The following COG3 variants were observed in gnomAD, a reference collection of about 807,000 sequenced individuals.
The protein encoded by COG3 is component of oligomeric golgi complex 3.
Under a neutral mutation model 114.1 loss-of-function variants are expected in COG3, and 32 were observed. That is an observed-to-expected ratio of 0.28 (90% CI 0.21 to 0.38). COG3 has a LOEUF of 0.38. COG3 is among the 10% of genes least tolerant of loss of function. COG3 has a pLI of 1.00. For missense variants in COG3, 813 were observed against 973.2 expected (o/e 0.84, Z 2.19); for synonymous variants, 352 against 365.7 (o/e 0.96, Z 0.43).
chr13:45,520,003 G>A (rs188215671), intron 19 of COG3, among the ~76,000 whole-genome samples: 1 of 152,292 alleles, frequency 6.6e-6, no homozygotes, highest in East Asian at 1.9e-4. Flanking sequence ...ATTAGGCTGG[G>A]TGTGTTGGCT....
intron 17 of COG3, among the ~76,000 whole-genome samples, chr13:45,518,368 A>G (rs1387464579): frequency 6.6e-6 from 1 of 152,196 alleles, no homozygotes; most frequent in South Asian, 2.1e-4. Context: ...ACATTAGTTT[A>G]TTATTCTGCT....
At chr13:45,486,339 C>CGGGAGACGGGAGACGGAGA (rs1555295083) in intron 7 of COG3, among the ~76,000 whole-genome samples, 156 bp from the exon 8 acceptor site, 1,473 of 55,228 alleles carry the variant, frequency 0.027, 112 homozygotes, top group Middle Eastern at 0.043. Context: ...AGACGGGAGA[C>CGGGAGACGGGAGACGGAGA]GGGAGAGGGA....
rs1263721850 is a variant in COG3 at position 45,476,226 on chromosome 13, T to C, written c.200T>C (p.Leu67Ser). 6.8e-6 allele frequency: 11 copies of C among 1,614,038 alleles called. No individual in the cohort carries two copies. In the South Asian group the frequency reaches 1.2e-4, roughly 18 times the overall value. The change falls in exon 2 of 23, where the codon TTA becomes TCA. Residue 67 changes from leucine (L) to serine (S), a missense_variant. Physicochemically the swap from Leu to Ser is moderately radical, Grantham distance 145. Coordinates refer to ENST00000349995, the MANE Select transcript of COG3 (RefSeq NM_031431.4). Reference sequence around the variant, plus strand: ...CTTCCAATTGAAGACTTGTGCAGTTTAACATCCCAGTCACTGCCCATTGAA... The same window carrying C: ...CTTCCAATTGAAGACTTGTGCAGTTCAACATCCCAGTCACTGCCCATTGAA... ...AELPIEDLCS[L>S]TSQSLPIELT...
chr13:45,471,366 C>T (rs1243623710), intron 1 of COG3, among the ~76,000 whole-genome samples: 1 of 152,144 alleles, frequency 6.6e-6, no homozygotes, highest in Non-Finnish European at 1.5e-5. Context: ...CTGCAGTGAG[C>T]TGTGATTGCA....
In COG3 at chr13:45,492,148, G is replaced by A. The variant is rs2137830476; in HGVS notation, c.1096-11G>A. Reference sequence around the variant, plus strand: ...CTTTAACTGTAGGTGGTGTGTGTTTGTTTACTGCAGGTTCGTAGTGGCTGT... The same window carrying A: ...CTTTAACTGTAGGTGGTGTGTGTTTATTTACTGCAGGTTCGTAGTGGCTGT... On this transcript the variant is annotated splice_polypyrimidine_tract_variant and intron_variant, in intron 10 of 22. Coordinates refer to ENST00000349995, the MANE Select transcript of COG3 (RefSeq NM_031431.4). 1 of 1,563,490 alleles carries A rather than the reference G, an allele frequency of 6.4e-7. No homozygotes were observed. Among genetic ancestry groups the A allele is most frequent in the Non-Finnish European group, 8.8e-7 (1 of 1,141,538 alleles).
Position 45,536,566 on chromosome 13 carries a change from C to G in COG3, c.*1835C>G, listed in dbSNP as rs542932838. 1.3e-5 allele frequency: 2 copies of G among 152,210 alleles called. No individual in the cohort carries two copies. Among genetic ancestry groups the G allele is most frequent in the South Asian group, 4.1e-4 (2 of 4,824 alleles). The allele number at this position is 152,210 out of a possible 1,614,324, so 9.4% of individuals were successfully genotyped here. A position where few individuals can be genotyped will look rare whatever the true frequency, so the allele number is the denominator to read the frequency against. On this transcript the variant is annotated 3_prime_UTR_variant, in exon 23 of 23. Transcript: ENST00000349995. The stretch of plus-strand genomic sequence containing the variant: ...ATTTAAAATGCTTTATATTATTTGG[C>G]TAGAAATTGCTGTTTTTAATAAATG...
Position 45,491,416 on chromosome 13 carries a change from C to A in COG3, c.973C>A (p.Gln325Lys). 6.2e-7 allele frequency: 1 copy of A among 1,601,896 alleles called. No individual in the cohort carries two copies. Among genetic ancestry groups the A allele is most frequent in the Non-Finnish European group, 8.5e-7 (1 of 1,176,706 alleles). The change falls in exon 10 of 23, where the codon CAA (glutamine) becomes AAA (lysine). Residue 325 changes from glutamine (Q) to lysine (K), a missense_variant. Gln to Lys is a moderately conservative substitution (Grantham distance 53). Coordinates refer to ENST00000349995, the MANE Select transcript of COG3 (RefSeq NM_031431.4). ...ATCTCATTTGCTTTCTGTCAGATAC[C>A]AACAACTGCTAAATGATATCCACCA... is the stretch of plus-strand genomic sequence containing the variant. ...ELRSEKIPEY[Q>K]QLLNDIHQCY...
At chr13:45,504,302 G>A (rs142505971) in intron 14 of COG3, among the ~76,000 whole-genome samples, 2 of 152,286 alleles carry the variant, frequency 1.3e-5, no homozygotes, top group Non-Finnish European at 2.9e-5. Context: ...TATCATGCTC[G>A]CCCTATAGGA....
rs571177816 is a variant in COG3 at position 45,487,532 on chromosome 13, A to G, written c.924+957A>G. 2.6e-5 allele frequency among the ~76,000 whole-genome samples: 4 copies of G among 152,356 alleles called. No homozygotes were observed. In the South Asian group the frequency reaches 8.3e-4, roughly 32 times the overall value. ...ATATTCAGAATATACAAGGAACTTA[A>G]CAGAAGAAGGCCCCAAATAATCCCA... On this transcript the variant is annotated intron_variant, in intron 8 of 22. Transcript: ENST00000349995.
At chr13:45,509,867 T>C in intron 15 of COG3, 51 bp downstream of exon 15, 1 of 1,444,476 alleles carries the variant, frequency 6.9e-7, no homozygotes, top group Non-Finnish European at 9.4e-7. Flanking sequence ...GAAATATTTT[T>C]AAATTTACAT....
At chr13:45,476,803 T>C (rs917051825) in intron 2 of COG3, among the ~76,000 whole-genome samples, 2 of 152,244 alleles carry the variant, frequency 1.3e-5, no homozygotes, top group African/African-American at 4.8e-5. Context: ...TGTTCATTCC[T>C]AATTAGAAAC....
intron 14 of COG3, among the ~76,000 whole-genome samples, chr13:45,504,206 GT>G (rs1180549919): frequency 2.0e-5 from 3 of 152,120 alleles, no homozygotes; most frequent in Non-Finnish European, 4.4e-5. Context: ...GCATCATCAG[GT>G]ATTCTGAGTC....
At chr13:45,511,680 G>A in intron 15 of COG3, 85 bp from the exon 16 acceptor site, 1 of 966,504 alleles carries the variant, frequency 1.0e-6, no homozygotes, top group South Asian at 1.4e-5. Flanking sequence ...AGCAGGCATT[G>A]TTATTTGCAC....
intron 20 of COG3, among the ~76,000 whole-genome samples, chr13:45,526,120 G>A (rs1393208391): frequency 1.3e-5 from 1 of 76,570 alleles, no homozygotes; most frequent in Non-Finnish European, 2.3e-5. Flanking sequence ...ATGGAGTCTT[G>A]CTCTGTTGCC....
At position 45,512,017 on chromosome 13, in the gene COG3, C is replaced by T. The variant is rs1479685162; in HGVS notation, c.1809+163C>T. 4 of 606,714 alleles carry T rather than the reference C, an allele frequency of 6.6e-6. No individual in the cohort carries two copies. In the Admixed American group the frequency reaches 8.1e-5, roughly 12 times the overall value. 37.6% of individuals were successfully genotyped at this position (606,714 alleles called of 1,614,324 possible). ...GAGAAACTGTTATTTCATTATAGTG[C>T]TAAATAAAGACTGTACTATATAAGA... is the stretch of plus-strand genomic sequence containing the variant. On this transcript the variant is annotated intron_variant, in intron 16 of 22. Transcript: ENST00000349995.
chr13:45,535,718 T>C lies in COG3; in HGVS notation c.*987T>C. ...TAGCCCAGCTACAGCAGAATACATT[T>C]TACCAGCAAACCTAAGGATGACAAA... is the stretch of plus-strand genomic sequence containing the variant. On this transcript the variant is annotated 3_prime_UTR_variant, in exon 23 of 23. Coordinates refer to ENST00000349995, the MANE Select transcript of COG3 (RefSeq NM_031431.4). The C allele has an allele frequency of 1.0e-6, 1 of 986,344 alleles. No individual in the cohort carries two copies. The highest frequency in any genetic ancestry group is 1.2e-6 in the Non-Finnish European group (1 of 830,092). The allele number at this position is 986,344 out of a possible 1,614,324, so 61.1% of individuals were successfully genotyped here. A position where few individuals can be genotyped will look rare whatever the true frequency, so the allele number is the denominator to read the frequency against.
Position 45,476,343 on chromosome 13 carries a change from A to T in COG3, c.317A>T (p.Gln106Leu). The T allele has an allele frequency of 6.2e-7, 1 of 1,613,686 alleles. No individual in the cohort carries two copies. The highest frequency in any genetic ancestry group is 8.5e-7 in the Non-Finnish European group (1 of 1,179,706). ...GAAGAAGAAAGAATTGAAACCGCAC[A>T]GCAGGTGAATTGCAGTATCTTTTCT... is the stretch of plus-strand genomic sequence containing the variant. ...GMEEERIETA[Q>L]QFFSWFAKLQ... The change falls in exon 2 of 23, where the codon CAG becomes CTG. Residue 106 changes from glutamine to leucine, a missense_variant. Gln to Leu is a moderately radical substitution (Grantham distance 113). Coordinates refer to ENST00000349995, the MANE Select transcript of COG3 (RefSeq NM_031431.4).
chr13:45,523,546 C>A (rs1406688855), intron 19 of COG3, among the ~76,000 whole-genome samples: 1 of 152,104 alleles, frequency 6.6e-6, no homozygotes, highest in African/African-American at 2.4e-5. Context: ...ACTTTTGAAG[C>A]AAATGCTCTT....
intron 15 of COG3, 60 bp downstream of exon 15, chr13:45,509,876 A>G (rs565426904): frequency 2.0e-4 from 290 of 1,423,204 alleles, no homozygotes; most frequent in Non-Finnish European, 2.7e-4. Flanking sequence ...TTAAATTTAC[A>G]TTTTAAGATC....
Sources: allele counts gnomAD v4.1 joint callset (sites outside exome capture counted in the v4.1 genomes callset), GRCh38; gene constraint gnomAD v4.1.1; transcripts MANE v1.5; gene names NCBI Gene and HGNC (gene_info 2026-07-23, HGNC 2026-07-21).